LAMC3: variants seen among roughly 807,000 people sequenced by gnomAD.
The protein encoded by LAMC3 is laminin subunit gamma 3, also known as laminin subunit gamma-3.
Under a neutral mutation model 173.8 loss-of-function variants are expected in LAMC3, and 128 were observed. The observed-to-expected ratio is 0.74, with a 90% confidence interval of 0.64 to 0.85. LAMC3 has a LOEUF of 0.85. Among genes scored for constraint, LAMC3 ranks in the 40% least tolerant of loss-of-function variants. LAMC3 has a pLI of 0.00. For missense variants in LAMC3, 2,022 were observed against 2,156.0 expected (o/e 0.94, Z 1.23); for synonymous variants, 897 against 909.1 (o/e 0.99, Z 0.24).
intron 11 of LAMC3, among the ~76,000 whole-genome samples, chr9:131,055,423 C>CTTTTTTTTTTTTTTTTT (rs56220728): frequency 9.2e-6 from 1 of 109,222 alleles, no homozygotes. Flanking sequence ...TCTTTTCTTT[C>CTTTTTTTTTTTTTTTTT]TTTTTTTTTT....
At chr9:131,088,678 A>G (rs1212332022) in intron 27 of LAMC3, among the ~76,000 whole-genome samples, 1 of 152,188 alleles carries the variant, frequency 6.6e-6, no homozygotes, top group Non-Finnish European at 1.5e-5. Context: ...ACCCATCTCT[A>G]GAACACTTTC....
intron 1 of LAMC3, among the ~76,000 whole-genome samples, chr9:131,025,482 G>A (rs1387504584): frequency 6.6e-6 from 1 of 152,144 alleles, no homozygotes; most frequent in East Asian, 1.9e-4. Context: ...GTGGGGGAGT[G>A]GGGCTAAAGC....
At chr9:131,048,253 C>T (rs761717122) in intron 8 of LAMC3, among the ~76,000 whole-genome samples, 12 of 151,640 alleles carry the variant, frequency 7.9e-5, no homozygotes, top group East Asian at 2.0e-4. Context: ...GATGGGGTTT[C>T]GCCATGTTGG....
intron 3 of LAMC3, among the ~76,000 whole-genome samples, chr9:131,035,193 G>A (rs143764182): frequency 0.041 from 6,238 of 152,140 alleles, 407 homozygotes; most frequent in African/African-American, 0.14. Flanking sequence ...CAGGTGATCC[G>A]CCCACCTTGG....
At chr9:131,017,388 A>C (rs1833541906) in intron 1 of LAMC3, among the ~76,000 whole-genome samples, 2 of 152,160 alleles carry the variant, frequency 1.3e-5, no homozygotes, top group Non-Finnish European at 2.9e-5. Flanking sequence ...GTGAGAGAAG[A>C]TGCAGCAATA....
In LAMC3 at chr9:131,067,081, C is replaced by T. The variant is rs150070472; in HGVS notation, c.2469C>T (p.Asn823=). The T allele has an allele frequency of 6.2e-7, 1 of 1,614,164 alleles. No individual in the cohort carries two copies. The highest frequency in any genetic ancestry group is 2.2e-5 in the East Asian group (1 of 44,874). ...SGNVDPNAVG[N]CDPLSGHCLR... is the part of the protein sequence containing the mutation. ...ACGTGGACCCCAATGCCGTGGGCAACTGTGACCCCCTGTCTGGCCACTGCC... is the reference window on the plus strand; with the variant it reads ...ACGTGGACCCCAATGCCGTGGGCAATTGTGACCCCCTGTCTGGCCACTGCC... Residue 823 remains asparagine, a synonymous_variant, in exon 14 of 28, where the codon AAC becomes AAT. Coordinates refer to ENST00000361069, the MANE Select transcript of LAMC3 (RefSeq NM_006059.4).
intron 1 of LAMC3, among the ~76,000 whole-genome samples, chr9:131,015,679 G>A (rs1007536529): frequency 2.6e-5 from 4 of 151,824 alleles, no homozygotes; most frequent in African/African-American, 9.7e-5. Context: ...TTTTTGAGAC[G>A]GAGACTCGCT....
In LAMC3 at chr9:131,009,450, C is replaced by G; in HGVS notation, c.236C>G (p.Ala79Gly). 1 of 1,547,160 alleles carries G rather than the reference C, an allele frequency of 6.5e-7. No homozygotes were observed. ...GAGAHCQRCDAADPQRHHNAS... is the reference protein window; with the variant it reads ...GAGAHCQRCDGADPQRHHNAS... ...GGGGCTCATTGCCAGCGCTGCGACG[C>G]CGCCGACCCCCAGCGCCACCACAAC... Residue 79 changes from alanine (A) to glycine (G), a missense_variant, in exon 1 of 28, where the codon GCC becomes GGC. By Grantham distance (60) the Ala-to-Gly change is moderately conservative (BLOSUM62 0). Coordinates refer to ENST00000361069, the MANE Select transcript of LAMC3 (RefSeq NM_006059.4). This position sits in a 1 kb window ranked among gnomAD's most constrained non-coding sequence, Gnocchi z 4.3.
rs564686697 is a variant in LAMC3 at position 131,018,273 on chromosome 9, T to A, written c.374-8012T>A. 5.6e-3 allele frequency among the ~76,000 whole-genome samples: 844 copies of A among 151,758 alleles called. 7 individuals carry two copies. The highest frequency in any genetic ancestry group is 0.019 in the African/African-American group (792 of 41,408). ...CCTCAGCCTCCCGTGTAGCTGGGATTACAGGTGCATGCCACCATGCCCGGC... is the reference window on the plus strand; with the variant it reads ...CCTCAGCCTCCCGTGTAGCTGGGATAACAGGTGCATGCCACCATGCCCGGC... On this transcript the variant is annotated intron_variant, in intron 1 of 27. Transcript: ENST00000361069.
rs151159947 is a variant in LAMC3, at chr9:131,069,048, G to T, written c.2888G>T (p.Arg963Leu). 6.2e-7 allele frequency: 1 copy of T among 1,613,318 alleles called. No individual in the cohort carries two copies. Among genetic ancestry groups the T allele is most frequent in the Non-Finnish European group, 8.5e-7 (1 of 1,179,918 alleles). Residue 963 changes from arginine (R) to leucine (L), a missense_variant and splice_region_variant, in exon 16 of 28, where the codon CGG becomes CTG. Transcript: ENST00000361069. Reference sequence around the variant, plus strand: ...TTCGGCTTCTCCATCAAGGGCTGCCGGGGTAAGGAGGCTGGGTCCTTCCCG... The same window carrying T: ...TTCGGCTTCTCCATCAAGGGCTGCCTGGGTAAGGAGGCTGGGTCCTTCCCG... ...GFFGFSIKGC[R>L]ACRCSPLGAA...
chr9:131,082,115 G>C lies in LAMC3; in HGVS notation c.3984G>C (p.Ala1328=), dbSNP rs149715525. 3 of 1,613,922 alleles carry C rather than the reference G, an allele frequency of 1.9e-6. No homozygotes were observed. In the South Asian group the frequency reaches 3.3e-5, roughly 18 times the overall value. Residue 1328 remains alanine (A), a synonymous_variant, in exon 24 of 28, where the codon GCG becomes GCC. Coordinates refer to ENST00000361069, the MANE Select transcript of LAMC3 (RefSeq NM_006059.4). ...AGGCTTCCTCATCTGTCCAGGCTGC[G>C]ACAGTGACTGTCATGGGAGCCAGGA... The part of the protein sequence containing the change: ...LTQASSSVQA[A]TVTVMGARTL...
intron 13 of LAMC3, 67 bp downstream of exon 13, chr9:131,061,290 T>C: frequency 7.2e-7 from 1 of 1,396,008 alleles, no homozygotes; most frequent in Non-Finnish European, 9.8e-7. Flanking sequence ...GACTATGCCC[T>C]GGGCTCCAGG....
intron 1 of LAMC3, among the ~76,000 whole-genome samples, chr9:131,011,821 G>A (rs985000834): frequency 6.6e-6 from 1 of 152,100 alleles, no homozygotes; most frequent in Non-Finnish European, 1.5e-5. Flanking sequence ...CAGGGGCCAA[G>A]GAAAGAGCTC....
intron 1 of LAMC3, among the ~76,000 whole-genome samples, chr9:131,023,659 G>A (rs1420453711): frequency 6.6e-6 from 1 of 152,168 alleles, no homozygotes; most frequent in Non-Finnish European, 1.5e-5. Flanking sequence ...CCAGGTTGGA[G>A]TGCAGTGGCG....
In LAMC3 at chr9:131,092,098, G is replaced by A. The variant is rs144951550; in HGVS notation, c.*311G>A. Reference sequence around the variant, plus strand: ...GCATGTCTGTGTGTATGACCCACACGTGTTCAAGTCTAATCCATCCAGTCA... The same window carrying A: ...GCATGTCTGTGTGTATGACCCACACATGTTCAAGTCTAATCCATCCAGTCA... On this transcript the variant is annotated 3_prime_UTR_variant, in exon 28 of 28. Coordinates refer to ENST00000361069, the MANE Select transcript of LAMC3 (RefSeq NM_006059.4). 127 of 451,612 alleles carry A rather than the reference G, an allele frequency of 2.8e-4. No individual in the cohort carries two copies. The highest frequency in any genetic ancestry group is 2.3e-3 in the African/African-American group (117 of 50,544). 28.0% of individuals were successfully genotyped at this position (451,612 alleles called of 1,614,324 possible).
chr9:131,049,062 A>T lies in LAMC3; in HGVS notation c.1562A>T (p.His521Leu), dbSNP rs751720035. 6.4e-7 allele frequency: 1 copy of T among 1,551,218 alleles called. No homozygotes were observed. Among genetic ancestry groups the T allele is most frequent in the South Asian group, 1.2e-5 (1 of 84,034 alleles). Reference protein sequence around the residue: ...WWARSVGGSEHPPQWSPNGVL... With the variant: ...WWARSVGGSELPPQWSPNGVL... ...GCCAGAAGTGTGGGGGGCTCTGAGC[A>T]CCCCCCACAATGGAGCCCAAATGGG... is the stretch of plus-strand genomic sequence containing the variant. The change falls in exon 9 of 28, where the codon CAC (histidine) becomes CTC (leucine). Residue 521 changes from histidine to leucine, a missense_variant. His to Leu is a moderately conservative substitution (Grantham distance 99). Coordinates refer to ENST00000361069, the MANE Select transcript of LAMC3 (RefSeq NM_006059.4).
In LAMC3 at chr9:131,059,347, C is replaced by G. The variant is rs1375643063; in HGVS notation, c.2159-1688C>G. ...CTCTACTAAAAATACAAAAAATTAG[C>G]CAGGCGTGGTGGCGGGTGCCTGTAA... On this transcript the variant is annotated intron_variant, in intron 12 of 27. Transcript: ENST00000361069. Among the ~76,000 whole-genome samples, 11 of 150,582 alleles carry G rather than the reference C, an allele frequency of 7.3e-5. 1 individual carries two copies. Among genetic ancestry groups the G allele is most frequent in the Non-Finnish European group, 1.6e-4 (11 of 67,748 alleles).
At chr9:131,010,609 A>G in intron 1 of LAMC3, among the ~76,000 whole-genome samples, 1 of 152,238 alleles carries the variant, frequency 6.6e-6, no homozygotes, top group East Asian at 1.9e-4. Flanking sequence ...GGACCCCTGA[A>G]GCTGCCTGCA....
At chr9:131,067,460 T>C (rs775802916) in intron 14 of LAMC3, among the ~76,000 whole-genome samples, 1 of 152,138 alleles carries the variant, frequency 6.6e-6, no homozygotes, top group African/African-American at 2.4e-5. Flanking sequence ...TGTCTAGTGC[T>C]TACCTCCCAC....
Sources: gnomAD v4.1 joint callset for allele counts (sites outside exome capture counted in the v4.1 genomes callset) on GRCh38, gnomAD v4.1.1 for gene constraint, Gnocchi (gnomAD v3.1) non-coding constraint, MANE v1.5 for transcripts, NCBI Gene and HGNC (gene_info 2026-07-23, HGNC 2026-07-21) for gene names.